GPHN: variants seen among roughly 807,000 people sequenced by gnomAD.
The protein encoded by GPHN is gephyrin.
In GPHN, 17 loss-of-function variants were observed where a neutral mutation model predicts 95.5. The observed-to-expected ratio is 0.18, with a 90% CI of 0.12 to 0.27. GPHN has a LOEUF of 0.27. Ranked by LOEUF, GPHN falls within the 10% of genes least tolerant of loss-of-function variation. GPHN has a pLI of 1.00. For synonymous variants in GPHN, 320 were observed against 322.5 expected (o/e 0.99, Z 0.08); for missense variants, 660 against 978.1 (o/e 0.67, Z 4.34).
At chr14:67,512,730 C>T in the GPHN span, among the ~76,000 whole-genome samples, 107 of 152,230 alleles carry the variant, frequency 7.0e-4, 3 homozygotes, top group South Asian at 0.021. Flanking sequence ...AGACCCTCCT[C>T]AGAAACTGGA....
At chr14:67,298,882 C>G in the GPHN span, among the ~76,000 whole-genome samples, 1 of 152,152 alleles carries the variant, frequency 6.6e-6, no homozygotes, top group Non-Finnish European at 1.5e-5. Flanking sequence ...TTCTGTTTTA[C>G]AAATTTGTCA....
chr14:66,971,888 C>T (rs1025492438), intron 9 of GPHN, among the ~76,000 whole-genome samples: 2 of 152,156 alleles, frequency 1.3e-5, no homozygotes, highest in African/African-American at 2.4e-5. Flanking sequence ...AATCACCAAG[C>T]TCATCTAAAA....
At chr14:66,876,223 C>T (rs925515482) in intron 4 of GPHN, among the ~76,000 whole-genome samples, 2 of 151,966 alleles carry the variant, frequency 1.3e-5, no homozygotes, top group Admixed American at 1.3e-4. Context: ...CACAATAAAC[C>T]AGAATCTCTG....
the GPHN span, among the ~76,000 whole-genome samples, chr14:67,461,941 T>A: frequency 1.3e-5 from 2 of 152,240 alleles, no homozygotes; most frequent in Admixed American, 1.3e-4. Context: ...TGTTCTGACC[T>A]TTGGCTTTGA....
the GPHN span, among the ~76,000 whole-genome samples, chr14:67,492,842 G>A: frequency 6.6e-6 from 1 of 152,228 alleles, no homozygotes; most frequent in Non-Finnish European, 1.5e-5. Flanking sequence ...ACTGTACCAT[G>A]TGTGAACAAG....
chr14:67,646,534 C>T, the GPHN span: 1 of 821,958 alleles, frequency 1.2e-6, no homozygotes, highest in Non-Finnish European at 2.0e-6. Context: ...TCTAAACTTA[C>T]CCTGTGGGTG....
intron 1 of GPHN, among the ~76,000 whole-genome samples, chr14:66,607,056 A>G (rs766833874): frequency 1.3e-5 from 2 of 152,158 alleles, no homozygotes; most frequent in Non-Finnish European, 2.9e-5. Flanking sequence ...TTGCCCATTC[A>G]GTATGATGTT....
chr14:67,289,719 TAAGAAGAGAGCTGACAAA>T, the GPHN span, among the ~76,000 whole-genome samples: 11 of 150,674 alleles, frequency 7.3e-5, no homozygotes, highest in South Asian at 1.3e-3. Context: ...GCAGACCTTA[TAAGAAGAGAGCTGACAAA>T]AAGGCACATT....
the GPHN span, among the ~76,000 whole-genome samples, chr14:67,491,582 G>A: frequency 1.3e-5 from 2 of 152,098 alleles, no homozygotes; most frequent in Non-Finnish European, 1.5e-5. Flanking sequence ...ACAGGGACCC[G>A]GGACAAAGAC....
chr14:67,225,935 G>GTA, the GPHN span, among the ~76,000 whole-genome samples: 1 of 126,624 alleles, frequency 7.9e-6, no homozygotes, highest in Non-Finnish European at 1.6e-5. Flanking sequence ...GAGTGTGTGT[G>GTA]TGTGTGTGTG....
rs191078842 is a variant in GPHN at position 66,989,033 on chromosome 14, T to A, written c.963+23708T>A. ...TAATTGTATACCACACATAGTCATG[T>A]GTATCTCTACGCTAAATTTCTGATT... On this transcript the variant is annotated intron_variant, in intron 9 of 22. Transcript: ENST00000478722. Among the ~76,000 whole-genome samples the A allele has an allele frequency of 3.2e-4, 48 of 152,196 alleles. 1 individual carries two copies. Among genetic ancestry groups the A allele is most frequent in the African/African-American group, 1.1e-3 (46 of 41,562 alleles).
At chr14:66,562,014 T>C (rs1032268741) in intron 1 of GPHN, among the ~76,000 whole-genome samples, 2 of 152,162 alleles carry the variant, frequency 1.3e-5, no homozygotes, top group African/African-American at 4.8e-5. Context: ...CTATTCTCTT[T>C]CTTTGAAAAC....
chr14:66,908,017 G>GTT (rs773238688), intron 5 of GPHN, among the ~76,000 whole-genome samples: 11 of 151,694 alleles, frequency 7.3e-5, no homozygotes, highest in African/African-American at 1.2e-4. Context: ...AGAAATATTT[G>GTT]TTTTATATAT....
chr14:67,150,453 CAAAAAAA>C (rs1164806975), intron 18 of GPHN, among the ~76,000 whole-genome samples: 6 of 98,058 alleles, frequency 6.1e-5, no homozygotes, highest in African/African-American at 1.2e-4. Context: ...AAAAAAAAAA[CAAAAAAA>C]AAAAAAAAAA....
chr14:67,525,157 A>G, the GPHN span, among the ~76,000 whole-genome samples: 1,796 of 152,326 alleles, frequency 0.012, 35 homozygotes, highest in African/African-American at 0.039. Flanking sequence ...ACAACATTAT[A>G]TCAAATTTCT....
chr14:67,289,070 G>A, the GPHN span, among the ~76,000 whole-genome samples: 1 of 148,524 alleles, frequency 6.7e-6, no homozygotes, highest in Admixed American at 6.9e-5. Flanking sequence ...AGGTTCAAGT[G>A]ATTCTCCTGC....
the GPHN span, chr14:67,203,210 G>A: frequency 6.2e-7 from 1 of 1,613,798 alleles, no homozygotes; most frequent in Middle Eastern, 1.6e-4. Flanking sequence ...TGGCCCATCT[G>A]ACACCTGGTG....
intron 4 of GPHN, among the ~76,000 whole-genome samples, chr14:66,864,227 T>C (rs950881423): frequency 4.6e-5 from 7 of 152,144 alleles, no homozygotes; most frequent in Non-Finnish European, 5.9e-5. Flanking sequence ...CTCAGCATCA[T>C]TGATTATCAG....
chr14:67,458,649 T>G, the GPHN span, among the ~76,000 whole-genome samples: 1 of 152,200 alleles, frequency 6.6e-6, no homozygotes, highest in Admixed American at 6.5e-5. Flanking sequence ...CAGGTCCTGT[T>G]TAGTCTTTTC....
Sources: gnomAD v4.1 joint callset for allele counts (sites outside exome capture counted in the v4.1 genomes callset) on GRCh38, gnomAD v4.1.1 for gene constraint, MANE v1.5 for transcripts, NCBI Gene and HGNC (gene_info 2026-07-23, HGNC 2026-07-21) for gene names.